ZNF407: variants seen among roughly 807,000 people sequenced by gnomAD.
The protein encoded by ZNF407 is zinc finger protein 407.
In ZNF407, 17 loss-of-function variants were observed where a neutral mutation model predicts 131.2. The ratio of observed to expected loss-of-function variants is 0.13; its 90% confidence interval spans 0.09 to 0.19. ZNF407 has a LOEUF of 0.19. Among genes scored for constraint, ZNF407 ranks in the 10% least tolerant of loss-of-function variants. The probability of loss-of-function intolerance (pLI) is 1.00; values close to 1 mark genes in which losing one functional copy is unlikely to be tolerated. For synonymous variants in ZNF407, 1,156 were observed against 1,062.0 expected (o/e 1.09, Z -1.72); for missense variants, 2,681 against 2,830.6 (o/e 0.95, Z 1.20).
intron 3 of ZNF407, among the ~76,000 whole-genome samples, chr18:74,670,439 A>G (rs183669306): frequency 1.6e-3 from 238 of 152,312 alleles, no homozygotes; most frequent in African/African-American, 5.1e-3. Flanking sequence ...ATGAATCTGC[A>G]TGGATGATAT....
chr18:75,057,092 C>T lies in ZNF407; in HGVS notation c.5429-6058C>T, dbSNP rs577359327. On this transcript the variant is annotated intron_variant, in intron 8 of 8. Transcript: ENST00000299687. ...CATCGTATTCAAGGTGCTTTCATTA[C>T]GACAAGGAACCATCCCAGCATTCTC... is the stretch of plus-strand genomic sequence containing the variant. 4.6e-5 allele frequency among the ~76,000 whole-genome samples: 7 copies of T among 151,730 alleles called. No homozygotes were observed. The South Asian group carries it at 8.3e-4, about 18-fold the overall frequency.
At chr18:74,990,326 G>A (rs1972704041) in intron 8 of ZNF407, among the ~76,000 whole-genome samples, 1 of 152,224 alleles carries the variant, frequency 6.6e-6, no homozygotes, top group East Asian at 1.9e-4. Context: ...CTTTGGTTAA[G>A]TTGGACAATA....
chr18:74,910,824 T>C (rs1971659816), intron 7 of ZNF407, among the ~76,000 whole-genome samples: 1 of 152,180 alleles, frequency 6.6e-6, no homozygotes, highest in South Asian at 2.1e-4. Flanking sequence ...CCCCCACTTT[T>C]AAATTAAACT....
At chr18:75,037,666 T>C (rs1450687342) in intron 8 of ZNF407, among the ~76,000 whole-genome samples, 3 of 152,156 alleles carry the variant, frequency 2.0e-5, no homozygotes, top group Non-Finnish European at 4.4e-5. Context: ...ACCAAGGTAA[T>C]GCTCGCGCTG....
intron 3 of ZNF407, among the ~76,000 whole-genome samples, chr18:74,645,637 TTGTG>T (rs35047949): frequency 0.25 from 35,490 of 144,774 alleles, 4,376 homozygotes; most frequent in Non-Finnish European, 0.3. Context: ...GTAAAACTCT[TTGTG>T]TGTGTGTGTG....
intron 3 of ZNF407, among the ~76,000 whole-genome samples, chr18:74,642,687 C>T (rs1984779687): frequency 6.6e-6 from 1 of 152,076 alleles, no homozygotes; most frequent in South Asian, 2.1e-4. Flanking sequence ...TAACTGCTTA[C>T]CTCATACAAC....
intron 4 of ZNF407, among the ~76,000 whole-genome samples, chr18:74,800,488 T>G (rs1288630610): frequency 2.6e-5 from 4 of 152,138 alleles, no homozygotes; most frequent in Admixed American, 6.5e-5. Context: ...TTGCTTGCTT[T>G]CTTGTAGATT....
At chr18:74,855,326 A>T (rs181686502) in intron 4 of ZNF407, among the ~76,000 whole-genome samples, 10 of 152,352 alleles carry the variant, frequency 6.6e-5, no homozygotes, top group Non-Finnish European at 1.3e-4. Flanking sequence ...GCTTATTGCT[A>T]AAGAAGGATT....
At chr18:74,920,997 C>G in intron 8 of ZNF407, 1 of 1,064,724 alleles carries the variant, frequency 9.4e-7, no homozygotes, top group Non-Finnish European at 1.1e-6. Context: ...GTTAAATCTT[C>G]ATATGTTGAC....
rs368982407 is a variant in ZNF407 at position 74,634,131 on chromosome 18, C to T, written c.3112C>T (p.Arg1038Trp). Residue 1038 changes from arginine (R) to tryptophan (W), a missense_variant, in exon 2 of 9, where the codon CGG becomes TGG. Transcript: ENST00000299687. ...SSASLELHVK[R>W]KHTKEFEFYC... ...TGCTTCTCTAGAGCTGCATGTAAAACGGAAACATACAAAAGAGTTTGAGTT... is the reference window on the plus strand; with the variant it reads ...TGCTTCTCTAGAGCTGCATGTAAAATGGAAACATACAAAAGAGTTTGAGTT... The T allele has an allele frequency of 2.9e-5, 47 of 1,614,000 alleles. No individual in the cohort carries two copies. Among genetic ancestry groups the T allele is most frequent in the African/African-American group, 1.1e-4 (8 of 75,040 alleles).
At chr18:74,659,208 G>T (rs1017278403) in intron 3 of ZNF407, among the ~76,000 whole-genome samples, 1 of 152,016 alleles carries the variant, frequency 6.6e-6, no homozygotes, top group Non-Finnish European at 1.5e-5. Context: ...GGATTTTGAT[G>T]ATTTCATTTT....
At chr18:75,002,849 C>T (rs1233176859) in intron 8 of ZNF407, among the ~76,000 whole-genome samples, 2 of 150,926 alleles carry the variant, frequency 1.3e-5, no homozygotes, top group African/African-American at 2.4e-5. Flanking sequence ...CCACCTACCT[C>T]ACAGGCTATG....
At chr18:74,707,276 ACT>A (rs1180221513) in intron 3 of ZNF407, among the ~76,000 whole-genome samples, 2 of 151,720 alleles carry the variant, frequency 1.3e-5, no homozygotes, top group Non-Finnish European at 1.5e-5. Flanking sequence ...TACCCAATAC[ACT>A]CTGTGTACAT....
intron 8 of ZNF407, among the ~76,000 whole-genome samples, chr18:74,939,446 AAGAC>A (rs1361964574): frequency 2.0e-5 from 3 of 152,234 alleles, no homozygotes; most frequent in African/African-American, 7.2e-5. Flanking sequence ...TATAACATGT[AAGAC>A]AGATAACAGG....
At chr18:74,979,201 A>G (rs980886641) in intron 8 of ZNF407, among the ~76,000 whole-genome samples, 6 of 152,172 alleles carry the variant, frequency 3.9e-5, no homozygotes, top group South Asian at 2.1e-4. Context: ...ACTTGGTGCA[A>G]TAGCTTCGTG....
At chr18:74,829,531 A>G (rs2145115370) in intron 4 of ZNF407, among the ~76,000 whole-genome samples, 1 of 152,256 alleles carries the variant, frequency 6.6e-6, no homozygotes, top group African/African-American at 2.4e-5. Context: ...CTGTAGGTCT[A>G]ATTTGGGTGA....
At position 74,635,474 on chromosome 18, in the gene ZNF407, C is replaced by T. The variant is rs1984417962; in HGVS notation, c.4455C>T (p.Thr1485=). The change falls in exon 2 of 9, where the codon ACC becomes ACT. Residue 1485 remains threonine (T), a synonymous_variant. Coordinates refer to ENST00000299687, the MANE Select transcript of ZNF407 (RefSeq NM_017757.3). This position sits in a 1 kb window ranked among gnomAD's most constrained non-coding sequence, Gnocchi z 4.7. ...AGGAGCTTCCGGAGGGAGGGGCCAC[C>T]TTTAAATGTGTCAAGTGCACAGAGC... is the stretch of plus-strand genomic sequence containing the variant. ...SVEELPEGGA[T]FKCVKCTEPF... The T allele has an allele frequency of 1.2e-6, 2 of 1,612,686 alleles. No homozygotes were observed. The highest frequency in any genetic ancestry group is 1.1e-5 in the South Asian group (1 of 90,914).
chr18:74,886,651 A>G (rs541091254), intron 6 of ZNF407, among the ~76,000 whole-genome samples: 2 of 152,336 alleles, frequency 1.3e-5, no homozygotes, highest in Admixed American at 6.5e-5. Context: ...GACAATAGAG[A>G]ATTCATACCA....
chr18:74,762,793 G>A (rs546215597), intron 3 of ZNF407, among the ~76,000 whole-genome samples: 76 of 151,326 alleles, frequency 5.0e-4, no homozygotes, highest in African/African-American at 1.8e-3. Context: ...CCTCATTATT[G>A]CTGAGCAGAA....
Sources: allele counts gnomAD v4.1 joint callset (sites outside exome capture counted in the v4.1 genomes callset), GRCh38; gene constraint gnomAD v4.1.1; non-coding constraint Gnocchi (gnomAD v3.1); transcripts MANE v1.5; gene names NCBI Gene and HGNC (gene_info 2026-07-23, HGNC 2026-07-21).